The following DOP1B variants were observed in gnomAD, a reference collection of about 807,000 sequenced individuals.
The protein encoded by DOP1B is DOP1 leucine zipper like protein B, also known as protein DOP1B.
Under a neutral mutation model 233.5 loss-of-function variants are expected in DOP1B, and 174 were observed. That is an observed-to-expected ratio of 0.75 (90% CI 0.66 to 0.85). The LOEUF (loss-of-function observed/expected upper bound fraction) is 0.85, where lower values mean the gene tolerates loss of function less well. Among genes scored for constraint, DOP1B ranks in the 40% least tolerant of loss-of-function variants. The pLI is 0.00. For synonymous variants in DOP1B, 1,190 were observed against 1,185.6 expected (o/e 1.00, Z -0.08); for missense variants, 2,652 against 2,846.6 (o/e 0.93, Z 1.56).
intron 1 of DOP1B, among the ~76,000 whole-genome samples, chr21:36,163,344 C>CAAAAAAAAAA (rs762277927): frequency 2.8e-5 from 3 of 107,760 alleles, no homozygotes; most frequent in African/African-American, 6.9e-5. Flanking sequence ...GACTCTGTCT[C>CAAAAAAAAAA]AAAAAAAAAA....
At chr21:36,230,323 A>G in intron 13 of DOP1B, 127 bp from the exon 14 acceptor site, 1 of 1,174,398 alleles carries the variant, frequency 8.5e-7, no homozygotes, top group Non-Finnish European at 1.2e-6. Context: ...CACTTAACAC[A>G]GGGATTCTCT....
intron 2 of DOP1B, among the ~76,000 whole-genome samples, chr21:36,189,985 G>A (rs982829038): frequency 6.9e-6 from 1 of 144,386 alleles, no homozygotes; most frequent in African/African-American, 2.6e-5. Context: ...ACTCCAACCT[G>A]GGTGACAGAG....
intron 10 of DOP1B, among the ~76,000 whole-genome samples, chr21:36,221,378 C>T (rs61261444): frequency 6.6e-6 from 1 of 151,678 alleles, no homozygotes; most frequent in Non-Finnish European, 1.5e-5. Context: ...GCCTGTAGTC[C>T]CAGCTACTTG....
chr21:36,218,715 A>T (rs1036657060), intron 9 of DOP1B, among the ~76,000 whole-genome samples: 1 of 152,182 alleles, frequency 6.6e-6, no homozygotes, highest in Non-Finnish European at 1.5e-5. Context: ...CTTTGGATAC[A>T]TGGGTAAGAA....
chr21:36,270,552 C>CAAAAAAAAA (rs398040600), intron 27 of DOP1B, among the ~76,000 whole-genome samples: 1 of 36,808 alleles, frequency 2.7e-5, no homozygotes, highest in African/African-American at 1.0e-4. Flanking sequence ...GACTCCGTCT[C>CAAAAAAAAA]AAAAAAAAAA....
chr21:36,227,561 A>G, intron 12 of DOP1B, 125 bp from the exon 13 acceptor site: 3 of 895,218 alleles, frequency 3.4e-6, no homozygotes, highest in South Asian at 2.2e-5. Context: ...AAAGAAAGAA[A>G]GAAAGAAAGA....
At chr21:36,190,029 G>T (rs540359659) in intron 2 of DOP1B, among the ~76,000 whole-genome samples, 29 of 127,324 alleles carry the variant, frequency 2.3e-4, no homozygotes, top group African/African-American at 4.8e-4. Context: ...AAAAAAAAAT[G>T]ATTTTCAGCT....
At chr21:36,282,770 G>A (rs2146250880) in intron 32 of DOP1B, among the ~76,000 whole-genome samples, 1 of 152,208 alleles carries the variant, frequency 6.6e-6, no homozygotes, top group South Asian at 2.1e-4. Context: ...GAGGTCAGGA[G>A]TTTGACATCA....
At chr21:36,251,116 A>G in intron 21 of DOP1B, 46 bp from the exon 22 acceptor site, 3 of 1,587,452 alleles carry the variant, frequency 1.9e-6, no homozygotes, top group Non-Finnish European at 2.6e-6. Flanking sequence ...ATGATGCCAT[A>G]GCCCCAATAT....
rs373011335 is a variant in DOP1B at position 36,248,975 on chromosome 21, C to T, written c.4998+407C>T. Among the ~76,000 whole-genome samples, 219 of 150,874 alleles carry T rather than the reference C, an allele frequency of 1.5e-3. 2 individuals are homozygous for T. Among genetic ancestry groups the T allele is most frequent in the South Asian group, 0.013 (64 of 4,742 alleles). The stretch of plus-strand genomic sequence containing the variant: ...CAAAAATTAGCCAGGTGTGGTAGCA[C>T]GTGTCTGTAATCCCAGCTACTCAGG... On this transcript the variant is annotated intron_variant, in intron 21 of 36. Coordinates refer to ENST00000691173, the MANE Select transcript of DOP1B (RefSeq NM_001320714.2).
chr21:36,244,023 T>TG (rs1476747675), intron 18 of DOP1B, among the ~76,000 whole-genome samples: 1 of 130,802 alleles, frequency 7.6e-6, no homozygotes, highest in East Asian at 2.2e-4. Flanking sequence ...CCTTTCCTTT[T>TG]TTTTTTTTTT....
In DOP1B at chr21:36,231,033, T is replaced by C; in HGVS notation, c.2249T>C (p.Phe750Ser). Reference protein sequence around the residue: ...GGSREERREAFAAACHLLLDC... With the variant: ...GGSREERREASAAACHLLLDC... ...TCCAGGGAGGAACGCAGGGAGGCCT[T>C]TGCCGCCGCCTGCCACCTGCTGCTG... The change falls in exon 14 of 37, where the codon TTT becomes TCT. Residue 750 changes from phenylalanine to serine, a missense_variant. Around this residue, in one of 3 missense-constraint regions of DOP1B, gnomAD observed 2,617 missense variants for 2,794.3 expected, o/e 0.94. Transcript: ENST00000691173. 1 of 1,614,144 alleles carries C rather than the reference T, an allele frequency of 6.2e-7. No homozygotes were observed. Among genetic ancestry groups the C allele is most frequent in the Non-Finnish European group, 8.5e-7 (1 of 1,180,042 alleles).
At chr21:36,229,671 T>C (rs1185471504) in intron 13 of DOP1B, among the ~76,000 whole-genome samples, 3 of 150,734 alleles carry the variant, frequency 2.0e-5, no homozygotes, top group Non-Finnish European at 4.4e-5. Context: ...CTTTTTTTTT[T>C]TTTTTTTTGA....
intron 10 of DOP1B, among the ~76,000 whole-genome samples, chr21:36,220,950 A>G (rs992199826): frequency 2.6e-5 from 4 of 151,956 alleles, no homozygotes; most frequent in Non-Finnish European, 5.9e-5. Flanking sequence ...AGCTACGACT[A>G]TAGGCACACA....
intron 2 of DOP1B, among the ~76,000 whole-genome samples, chr21:36,176,103 T>TGTGTGC (rs1555886162): frequency 2.1e-5 from 3 of 142,038 alleles, no homozygotes; most frequent in African/African-American, 7.6e-5. Context: ...TGTGCGTGTG[T>TGTGTGC]GTGTGTGTGT....
At chr21:36,271,638 ATG>A (rs1249197959) in intron 27 of DOP1B, among the ~76,000 whole-genome samples, 1 of 151,988 alleles carries the variant, frequency 6.6e-6, no homozygotes, top group South Asian at 2.1e-4. Flanking sequence ...ACAACATACT[ATG>A]TGTGTGTGCT....
At chr21:36,189,903 G>A (rs2066211555) in intron 2 of DOP1B, among the ~76,000 whole-genome samples, 1 of 150,862 alleles carries the variant, frequency 6.6e-6, no homozygotes, top group Admixed American at 6.6e-5. Flanking sequence ...CCAGCTACCT[G>A]GGAGACTGAG....
At chr21:36,184,897 G>A (rs1427800810) in intron 2 of DOP1B, among the ~76,000 whole-genome samples, 14 of 152,212 alleles carry the variant, frequency 9.2e-5, no homozygotes, top group Admixed American at 7.2e-4. Context: ...AGAAGAAGGC[G>A]CTGGGGAGGA....
chr21:36,221,976 A>G (rs901135697), intron 10 of DOP1B, among the ~76,000 whole-genome samples: 8 of 151,968 alleles, frequency 5.3e-5, no homozygotes, highest in African/African-American at 1.9e-4. Context: ...GGCTAAAGCA[A>G]TTTTCGTGCC....
Sources: gnomAD v4.1 joint callset for allele counts (sites outside exome capture counted in the v4.1 genomes callset) on GRCh38, gnomAD v4.1.1 for gene constraint, gnomAD v4.1.1 regional missense constraint, MANE v1.5 for transcripts, NCBI Gene and HGNC (gene_info 2026-07-23, HGNC 2026-07-21) for gene names.